ABLIM3: variants seen among roughly 807,000 people sequenced by gnomAD.
The protein encoded by ABLIM3 is actin-binding LIM protein 3.
In ABLIM3, 61 loss-of-function variants were observed where a neutral mutation model predicts 109.5. The observed-to-expected ratio is 0.56, with a 90% CI of 0.45 to 0.69. The LOEUF is 0.69. Among genes scored for constraint, ABLIM3 ranks in the 30% least tolerant of loss-of-function variants. The pLI is 0.00. For synonymous variants in ABLIM3, 300 were observed against 324.8 expected (o/e 0.92, Z 0.82); for missense variants, 796 against 889.5 (o/e 0.89, Z 1.34).
chr5:149,246,843 G>T (rs767982273), intron 17 of ABLIM3, among the ~76,000 whole-genome samples: 3 of 152,198 alleles, frequency 2.0e-5, no homozygotes, highest in Non-Finnish European at 4.4e-5. Context: ...TGCAACCCTT[G>T]TTCATTGCTG....
intron 3 of ABLIM3, among the ~76,000 whole-genome samples, chr5:149,193,497 C>A (rs954594439): frequency 3.3e-5 from 5 of 152,072 alleles, no homozygotes; most frequent in African/African-American, 9.6e-5. Flanking sequence ...ATGCTAAATT[C>A]TCTGATAGAA....
rs571070439 is a variant in ABLIM3, at chr5:149,144,056, C to T, written c.13+1948C>T. 9.2e-5 allele frequency among the ~76,000 whole-genome samples: 14 copies of T among 152,170 alleles called. No homozygotes were observed. In the South Asian group the frequency reaches 2.9e-3, roughly 32 times the overall value. On this transcript the variant is annotated intron_variant, in intron 2 of 23. Transcript: ENST00000309868. ...AGTATTCCTGAAAGAAGGAAACAGA[C>T]TATCCTTCTTTTAAGAAAAAGAAAG...
intron 2 of ABLIM3, among the ~76,000 whole-genome samples, chr5:149,163,308 G>A (rs1020395161): frequency 6.6e-6 from 1 of 152,134 alleles, no homozygotes; most frequent in African/African-American, 2.4e-5. Context: ...AGATAGGGCA[G>A]GGCACCTTCT....
intron 21 of ABLIM3, 113 bp downstream of exon 21, chr5:149,251,532 C>A: frequency 8.1e-7 from 1 of 1,229,388 alleles, no homozygotes; most frequent in Non-Finnish European, 1.2e-6. Context: ...CCACGCTGGG[C>A]TGTGTCCAAC....
rs575678808 is a variant in ABLIM3, at chr5:149,218,028, G to A, written c.757+982G>A. 1.2e-4 allele frequency: 18 copies of A among 152,376 alleles called. No individual in the cohort carries two copies. In the East Asian group the frequency reaches 1.5e-3, roughly 13 times the overall value. The allele number at this position is 152,376 out of a possible 1,614,324, so 9.4% of individuals were successfully genotyped here. A position where few individuals can be genotyped will look rare whatever the true frequency, so the allele number is the denominator to read the frequency against. ...GTGTGGGCCTTTGAGAGCACATAAC[G>A]GGGTAGGAGGAGCCCCAGGAGGGCT... On this transcript the variant is annotated intron_variant, in intron 8 of 23. Transcript: ENST00000309868.
At chr5:149,196,679 T>C (rs976678694) in intron 3 of ABLIM3, among the ~76,000 whole-genome samples, 1 of 152,324 alleles carries the variant, frequency 6.6e-6, no homozygotes, top group South Asian at 2.1e-4. Context: ...ATCAGGCCCC[T>C]TCCTCGCTGG....
chr5:149,153,289 G>A (rs1753596981), intron 2 of ABLIM3, among the ~76,000 whole-genome samples: 1 of 152,186 alleles, frequency 6.6e-6, no homozygotes, highest in African/African-American at 2.4e-5. Flanking sequence ...TTAGAAAGCA[G>A]TCTTCTGAGA....
At chr5:149,237,419 C>G (rs1016189365) in intron 10 of ABLIM3, 29 bp from the exon 11 acceptor site, 1 of 1,609,176 alleles carries the variant, frequency 6.2e-7, no homozygotes, top group Admixed American at 1.7e-5. Context: ...TCTTTCTATT[C>G]CTTTCCTGTC....
chr5:149,231,094 A>G (rs1404873604), intron 9 of ABLIM3, among the ~76,000 whole-genome samples: 1 of 152,190 alleles, frequency 6.6e-6, no homozygotes, highest in Non-Finnish European at 1.5e-5. Flanking sequence ...TTTACAAAGC[A>G]TCTTCACAGG....
intron 23 of ABLIM3, among the ~76,000 whole-genome samples, chr5:149,255,500 G>A (rs565338129): frequency 1.3e-5 from 2 of 152,306 alleles, no homozygotes; most frequent in South Asian, 4.1e-4. Flanking sequence ...AAAAGTTAAA[G>A]GAGAGAAGAG....
At chr5:149,142,625 G>T (rs748727995) in intron 2 of ABLIM3, among the ~76,000 whole-genome samples, 86 of 152,150 alleles carry the variant, frequency 5.7e-4, no homozygotes, top group African/African-American at 2.0e-3. Context: ...TCCAGCTCCC[G>T]AGTGCCTGCA....
In ABLIM3 at chr5:149,183,500, T is replaced by C. The variant is rs750085990; in HGVS notation, c.62T>C (p.Ile21Thr). The change falls in exon 3 of 24, where the codon ATC becomes ACC. Residue 21 changes from isoleucine to threonine, a missense_variant. Physicochemically the swap from Ile to Thr is moderately conservative, Grantham distance 89. Coordinates refer to ENST00000309868, the MANE Select transcript of ABLIM3 (RefSeq NM_014945.5). ...AATCCACGGGGCAGCTCCAATGTCA[T>C]CCAGTGCTACCGCTGTGGAGACACC... ...PYNPRGSSNV[I>T]QCYRCGDTCK... 3.8e-6 allele frequency: 6 copies of C among 1,596,466 alleles called. No individual in the cohort carries two copies. The highest frequency in any genetic ancestry group is 5.1e-6 in the Non-Finnish European group (6 of 1,172,060).
chr5:149,226,357 C>T (rs1180803964), intron 8 of ABLIM3, among the ~76,000 whole-genome samples: 1 of 152,066 alleles, frequency 6.6e-6, no homozygotes, highest in African/African-American at 2.4e-5. Context: ...TGGTGGCATG[C>T]ACCTGTAGTC....
At chr5:149,224,226 A>G (rs575510731) in intron 8 of ABLIM3, among the ~76,000 whole-genome samples, 1 of 152,326 alleles carries the variant, frequency 6.6e-6, no homozygotes, top group South Asian at 2.1e-4. Flanking sequence ...CCTGGCACAT[A>G]CTAAGCACTC....
chr5:149,147,253 A>AAGTCATAGT (rs1753019622), intron 2 of ABLIM3, among the ~76,000 whole-genome samples: 1 of 152,090 alleles, frequency 6.6e-6, no homozygotes, highest in African/African-American at 2.4e-5. Context: ...GACTTCACTG[A>AAGTCATAGT]AGTCATAGTT....
At chr5:149,155,635 A>C (rs560384514) in intron 2 of ABLIM3, among the ~76,000 whole-genome samples, 2 of 152,144 alleles carry the variant, frequency 1.3e-5, no homozygotes, top group Non-Finnish European at 2.9e-5. Context: ...AGATGGGCTT[A>C]CTCATTCCTA....
chr5:149,240,039 G>GGGT, intron 13 of ABLIM3, 151 bp downstream of exon 13: 3 of 1,138,912 alleles, frequency 2.6e-6, no homozygotes, highest in Non-Finnish European at 3.5e-6. Flanking sequence ...GTGACCAGCT[G>GGGT]GGCCTCTCTG....
intron 3 of ABLIM3, among the ~76,000 whole-genome samples, chr5:149,190,745 A>T (rs1348796462): frequency 6.6e-6 from 1 of 152,224 alleles, no homozygotes; most frequent in Non-Finnish European, 1.5e-5. Flanking sequence ...TAAATTTTTT[A>T]AAACTGAATT....
At chr5:149,239,334 T>C in intron 12 of ABLIM3, 57 bp downstream of exon 12, 1 of 1,576,484 alleles carries the variant, frequency 6.3e-7, no homozygotes, top group Non-Finnish European at 8.7e-7. Context: ...TTATGTGGAC[T>C]TCACCCATCC....
Sources: gnomAD v4.1 joint callset for allele counts (sites outside exome capture counted in the v4.1 genomes callset) on GRCh38, gnomAD v4.1.1 for gene constraint, MANE v1.5 for transcripts, NCBI Gene and HGNC (gene_info 2026-07-23, HGNC 2026-07-21) for gene names.